Variants in AQP7 observed in about 807,000 individuals in gnomAD.
AQP7 encodes aquaporin 7, also known as aquaporin-7.
In AQP7, 22 loss-of-function variants were observed where a neutral mutation model predicts 26.1. The observed-to-expected ratio is 0.84, with a 90% confidence interval of 0.60 to 1.20. The LOEUF is 1.20. Ranked by LOEUF, AQP7 falls within the 50% of genes most tolerant of loss-of-function variation. The pLI is 0.00. For synonymous variants in AQP7, 167 were observed against 181.7 expected (o/e 0.92, Z 0.65); for missense variants, 412 against 457.5 (o/e 0.90, Z 0.91).
intron 2 of AQP7, 162 bp downstream of exon 2, chr9:33,401,075 T>A: frequency 1.3e-6 from 1 of 759,596 alleles, no homozygotes. Flanking sequence ...TGGAAGATGC[T>A]CTTCTTCTGG....
intron 2 of AQP7, among the ~76,000 whole-genome samples, chr9:33,398,369 G>A (rs1290990326): frequency 2.0e-5 from 3 of 151,864 alleles, no homozygotes; most frequent in African/African-American, 7.3e-5. Flanking sequence ...TGGGCCAAGT[G>A]GAGGGTTTCA....
intron 3 of AQP7, among the ~76,000 whole-genome samples, chr9:33,390,971 C>T (rs370743052): frequency 9.2e-5 from 14 of 152,072 alleles, no homozygotes; most frequent in East Asian, 1.9e-4. Flanking sequence ...ATTAGCCAGG[C>T]GTGGTGGCAC....
chr9:33,386,228 T>C (rs78244036), intron 5 of AQP7, 33 bp from the exon 6 acceptor site: 24 of 1,613,284 alleles, frequency 1.5e-5, no homozygotes, highest in Admixed American at 5.0e-5. Context: ...GCGAACCTGC[T>C]CCCAACTAAG....
At position 33,384,943 on chromosome 9, in the gene AQP7, G is replaced by C; in HGVS notation, c.*62C>G. The C allele has an allele frequency of 6.5e-7, 1 of 1,534,016 alleles. No individual in the cohort carries two copies. The highest frequency in any genetic ancestry group is 8.8e-7 in the Non-Finnish European group (1 of 1,131,830). On this transcript the variant is annotated 3_prime_UTR_variant, in exon 8 of 8. Coordinates refer to ENST00000297988, the MANE Select transcript of AQP7 (RefSeq NM_001170.3). ...CACAGGAGGCCCCCAGGAAGTGGGG[G>C]TACTGCTGTCGGACAAGCCTTGCTT...
intron 2 of AQP7, among the ~76,000 whole-genome samples, chr9:33,396,233 T>A (rs1825837108): frequency 6.6e-6 from 1 of 151,316 alleles, no homozygotes; most frequent in South Asian, 2.1e-4. Context: ...AGGTCGGGAG[T>A]TCGAGACCAG....
At chr9:33,401,116 G>C in intron 2 of AQP7, 121 bp downstream of exon 2, 2 of 1,104,790 alleles carry the variant, frequency 1.8e-6, no homozygotes, top group South Asian at 1.3e-5. Flanking sequence ...GGGTGGGGAG[G>C]AGGAGGTCGA....
rs537784313 is a variant in AQP7 at position 33,385,969 on chromosome 9, A to G, written c.526-103T>C. On this transcript the variant is annotated intron_variant, in intron 6 of 7. Coordinates refer to ENST00000297988, the MANE Select transcript of AQP7 (RefSeq NM_001170.3). Reference sequence around the variant, plus strand: ...CCCACCAGCAGAGACACGTCTCGGTACAGTCTCCATCCAGAGTTCTTGTCC... The same window carrying G: ...CCCACCAGCAGAGACACGTCTCGGTGCAGTCTCCATCCAGAGTTCTTGTCC... The G allele has an allele frequency of 8.3e-6, 13 of 1,566,336 alleles. No individual in the cohort carries two copies. In the East Asian group the frequency reaches 2.7e-4, roughly 33 times the overall value.
chr9:33,385,943 G>A, intron 6 of AQP7, 77 bp from the exon 7 acceptor site: 1 of 1,560,258 alleles, frequency 6.4e-7, no homozygotes, highest in South Asian at 1.2e-5. Context: ...CCAGACCCAA[G>A]CCCACCAGCA....
intron 3 of AQP7, among the ~76,000 whole-genome samples, chr9:33,394,486 C>CTTTTTTTTTTTT (rs56966031): frequency 8.7e-5 from 10 of 115,112 alleles, no homozygotes; most frequent in Non-Finnish European, 1.5e-4. Flanking sequence ...CTCTCTCTCT[C>CTTTTTTTTTTTT]TTTTTTTTTT....
In AQP7 at chr9:33,395,188, G is replaced by A. The variant is rs139297434; in HGVS notation, c.34C>T (p.Arg12Cys). ...GACCAGGAGACCATTTTGGAGCCAC[G>A]GGTGGACCTAAGACAGTGGCCCGAG... is the stretch of plus-strand genomic sequence containing the variant. ...VQASGHRRST[R>C]GSKMVSWSVI... The change falls in exon 3 of 8, where the codon CGT (arginine) becomes TGT (cysteine). Residue 12 changes from arginine (R) to cysteine (C), a missense_variant. By Grantham distance (180) the Arg-to-Cys change is radical. Coordinates refer to ENST00000297988, the MANE Select transcript of AQP7 (RefSeq NM_001170.3). The A allele has an allele frequency of 3.0e-4, 477 of 1,612,944 alleles. 3 individuals are homozygous for A. The East Asian group carries it at 8.5e-3, about 29-fold the overall frequency.
Position 33,385,271 on chromosome 9 carries a change from A to G in AQP7, c.763T>C (p.Trp255Arg). ...AGAAGTGGTGCCACCACTGGCACCCACCACCAGTTCTCCCCATTGCTGCAG... is the reference window on the plus strand; with the variant it reads ...AGAAGTGGTGCCACCACTGGCACCCGCCACCAGTTCTCCCCATTGCTGCAG... The part of the protein sequence containing the change: ...QVFSNGENWW[W>R]VPVVAPLLGA... The change falls in exon 8 of 8, where the codon TGG becomes CGG. Residue 255 changes from tryptophan to arginine, a missense_variant. Trp to Arg is a moderately radical substitution (Grantham distance 101, BLOSUM62 -3). Transcript: ENST00000297988. 1 of 1,611,008 alleles carries G rather than the reference A, an allele frequency of 6.2e-7. No individual in the cohort carries two copies. Among genetic ancestry groups the G allele is most frequent in the African/African-American group, 1.3e-5 (1 of 74,934 alleles).
intron 3 of AQP7, among the ~76,000 whole-genome samples, chr9:33,390,403 G>A (rs1193073260): frequency 6.6e-6 from 1 of 152,004 alleles, no homozygotes; most frequent in Non-Finnish European, 1.5e-5. Context: ...AGGGACAAGA[G>A]GGTGAGCTGA....
At chr9:33,386,625 G>A (rs1163463654) in intron 4 of AQP7, 84 bp from the exon 5 acceptor site, 1 of 1,483,228 alleles carries the variant, frequency 6.7e-7, no homozygotes, top group Non-Finnish European at 9.2e-7. Flanking sequence ...GATGGCTAGT[G>A]TGTATGACAG....
At chr9:33,391,133 G>A (rs1056102017) in intron 3 of AQP7, among the ~76,000 whole-genome samples, 14 of 152,126 alleles carry the variant, frequency 9.2e-5, no homozygotes, top group African/African-American at 3.1e-4. Flanking sequence ...ATAAAATACT[G>A]GGTGAGTGAA....
rs576285561 is a variant in AQP7, at chr9:33,400,619, T to A, written c.26+618A>T. Among the ~76,000 whole-genome samples the A allele has an allele frequency of 1.9e-3, 282 of 152,124 alleles. 2 individuals carry two copies. The highest frequency in any genetic ancestry group is 6.5e-3 in the African/African-American group (270 of 41,502). On this transcript the variant is annotated intron_variant, in intron 2 of 7. Coordinates refer to ENST00000297988, the MANE Select transcript of AQP7 (RefSeq NM_001170.3). The stretch of plus-strand genomic sequence containing the variant: ...GAACATGGCGAAACCCCATTTCTAC[T>A]AAAAATACCAAAATAATAATAATAA...
chr9:33,400,174 G>A (rs1327752374), intron 2 of AQP7, among the ~76,000 whole-genome samples: 1 of 152,174 alleles, frequency 6.6e-6, no homozygotes, highest in South Asian at 2.1e-4. Flanking sequence ...CCGTCCAAGT[G>A]TACAACAGGC....
At chr9:33,399,258 C>T (rs1216747296) in intron 2 of AQP7, among the ~76,000 whole-genome samples, 5 of 152,176 alleles carry the variant, frequency 3.3e-5, no homozygotes, top group Admixed American at 1.3e-4. Flanking sequence ...CAACTAACCA[C>T]GAGCCAACAA....
chr9:33,385,751 C>G lies in AQP7; in HGVS notation c.641G>C (p.Gly214Ala), dbSNP rs1169041382. 3.7e-6 allele frequency: 6 copies of G among 1,613,806 alleles called. No homozygotes were observed. The Admixed American group carries it at 8.3e-5, about 22-fold the overall frequency. The change falls in exon 7 of 8, where the codon GGG becomes GCG. Residue 214 changes from glycine (G) to alanine (A), a missense_variant. Transcript: ENST00000297988. ...TCCTGTGTTCATGCCAAGGGACACC[C>G]CGATGATGACCACGAGGATGCCTAT... ...LVIGILVVIIGVSLGMNTGYA... is the reference protein window; with the variant it reads ...LVIGILVVIIAVSLGMNTGYA...
intron 2 of AQP7, among the ~76,000 whole-genome samples, chr9:33,398,060 G>A (rs920013337): frequency 6.6e-5 from 10 of 152,180 alleles, no homozygotes; most frequent in Non-Finnish European, 1.0e-4. Context: ...AGTGGGCACC[G>A]TGGGGCATGT....
Sources: allele counts gnomAD v4.1 joint callset (sites outside exome capture counted in the v4.1 genomes callset), GRCh38; gene constraint gnomAD v4.1.1; transcripts MANE v1.5; gene names NCBI Gene and HGNC (gene_info 2026-07-23, HGNC 2026-07-21).